Variants in KBTBD12 observed in about 807,000 individuals in gnomAD.
KBTBD12 encodes the protein kelch repeat and BTB domain-containing protein 12.
A neutral mutation model predicts 58.7 loss-of-function variants in KBTBD12; 53 were observed. The observed-to-expected ratio is 0.90, with a 90% CI of 0.72 to 1.14. KBTBD12 has a LOEUF of 1.14. Ranked by LOEUF, KBTBD12 falls within the 50% of genes most tolerant of loss-of-function variation. The pLI, the probability that KBTBD12 is intolerant of heterozygous loss-of-function variation, is 0.00. For missense variants in KBTBD12, 704 were observed against 751.3 expected (o/e 0.94, Z 0.74); for synonymous variants, 236 against 259.8 (o/e 0.91, Z 0.88).
In KBTBD12 at chr3:127,927,956, C is replaced by A; in HGVS notation, c.1263C>A (p.Pro421=). 1 of 1,612,988 alleles carries A rather than the reference C, an allele frequency of 6.2e-7. No homozygotes were observed. Among genetic ancestry groups the A allele is most frequent in the Non-Finnish European group, 8.5e-7 (1 of 1,179,160 alleles). Residue 421 remains proline (P), a synonymous_variant, in exon 3 of 6, where the codon CCC becomes CCA. Coordinates refer to ENST00000405109, the MANE Select transcript of KBTBD12 (RefSeq NM_207335.4). Reference sequence around the variant, plus strand: ...GGGACAATTGGAAAAGGGTGTCTCCCCTTCCACTGCAATTGGCATGTCATG... The same window carrying A: ...GGGACAATTGGAAAAGGGTGTCTCCACTTCCACTGCAATTGGCATGTCATG... ...VERDNWKRVS[P]LPLQLACHAV...
In KBTBD12 at chr3:127,924,147, C is replaced by G. The variant is rs779308578; in HGVS notation, c.1070+16C>G. 3 of 1,516,100 alleles carry G rather than the reference C, an allele frequency of 2.0e-6. No homozygotes were observed. Among genetic ancestry groups the G allele is most frequent in the Non-Finnish European group, 2.7e-6 (3 of 1,108,904 alleles). 93.9% of individuals were successfully genotyped at this position (1,516,100 alleles called of 1,614,324 possible). Reference sequence around the variant, plus strand: ...AAATTTATAGGTTTGTATCTAGCAGCAAATTTGCTTAATTATTTTGTTTTG... The same window carrying G: ...AAATTTATAGGTTTGTATCTAGCAGGAAATTTGCTTAATTATTTTGTTTTG... On this transcript the variant is annotated intron_variant, in intron 2 of 5. Transcript: ENST00000405109.
chr3:127,950,326 A>G (rs1171380162), intron 4 of KBTBD12, among the ~76,000 whole-genome samples: 2 of 152,174 alleles, frequency 1.3e-5, no homozygotes, highest in South Asian at 2.1e-4. Flanking sequence ...ACGGAGAGGA[A>G]CAAACATCCA....
Position 127,928,052 on chromosome 3 carries a change from A to G in KBTBD12, c.1341+18A>G. On this transcript the variant is annotated intron_variant, in intron 3 of 5. Coordinates refer to ENST00000405109, the MANE Select transcript of KBTBD12 (RefSeq NM_207335.4). Reference sequence around the variant, plus strand: ...CCCCTCAGGTTAAGAAATTTCCTGTATACATAATTGGCATGGCTATACTGA... The same window carrying G: ...CCCCTCAGGTTAAGAAATTTCCTGTGTACATAATTGGCATGGCTATACTGA... The G allele has an allele frequency of 6.2e-7, 1 of 1,606,266 alleles. No homozygotes were observed. The highest frequency in any genetic ancestry group is 8.5e-7 in the Non-Finnish European group (1 of 1,173,328).
chr3:127,917,539 G>C (rs1048387109), intron 1 of KBTBD12, among the ~76,000 whole-genome samples: 1 of 152,256 alleles, frequency 6.6e-6, no homozygotes, highest in Non-Finnish European at 1.5e-5. Flanking sequence ...TCTCCCTGGA[G>C]GTCAGGGGAT....
At chr3:127,916,512 G>T (rs1939245376) in intron 1 of KBTBD12, among the ~76,000 whole-genome samples, 1 of 152,110 alleles carries the variant, frequency 6.6e-6, no homozygotes, top group African/African-American at 2.4e-5. Flanking sequence ...TGTCCCTCAG[G>T]TCTCAAAGAG....
Position 127,963,213 on chromosome 3 carries a change from A to G in KBTBD12, c.1517A>G (p.Asp506Gly), listed in dbSNP as rs1940481665. ...GGTGGCATTGGCTGTGTAGGTCAAG[A>G]CAAGGGCCAGGTTCGAAAATGCCTT... ...VLGGIGCVGQDKGQVRKCLDV... is the reference protein window; with the variant it reads ...VLGGIGCVGQGKGQVRKCLDV... The change falls in exon 5 of 6, where the codon GAC (aspartate) becomes GGC (glycine). Residue 506 changes from aspartate to glycine, a missense_variant. Coordinates refer to ENST00000405109, the MANE Select transcript of KBTBD12 (RefSeq NM_207335.4). The G allele has an allele frequency of 1.2e-6, 2 of 1,610,740 alleles. No individual in the cohort carries two copies. Among genetic ancestry groups the G allele is most frequent in the Admixed American group, 1.7e-5 (1 of 59,760 alleles).
At chr3:127,927,259 C>G (rs1250019340) in intron 2 of KBTBD12, among the ~76,000 whole-genome samples, 1 of 152,042 alleles carries the variant, frequency 6.6e-6, no homozygotes, top group African/African-American at 2.4e-5. Context: ...TACAACAGTT[C>G]TTAAAATTCT....
At chr3:127,967,899 A>G (rs761980524) in intron 5 of KBTBD12, among the ~76,000 whole-genome samples, 2 of 152,116 alleles carry the variant, frequency 1.3e-5, no homozygotes, top group African/African-American at 2.4e-5. Flanking sequence ...GTTCTGGACT[A>G]TTTCTTCAAG....
chr3:127,917,430 C>T (rs1939276753), intron 1 of KBTBD12, among the ~76,000 whole-genome samples: 1 of 152,236 alleles, frequency 6.6e-6, no homozygotes, highest in African/African-American at 2.4e-5. Flanking sequence ...ACATGTTCAG[C>T]TATCCTGGAA....
intron 5 of KBTBD12, among the ~76,000 whole-genome samples, chr3:127,983,395 C>A (rs1460332189): frequency 6.6e-6 from 1 of 152,098 alleles, no homozygotes; most frequent in African/African-American, 2.4e-5. Context: ...AGATTAACAC[C>A]CTCCCTTGGG....
At chr3:127,921,183 C>G (rs1000782663) in intron 1 of KBTBD12, among the ~76,000 whole-genome samples, 4 of 151,982 alleles carry the variant, frequency 2.6e-5, no homozygotes, top group Non-Finnish European at 4.4e-5. Context: ...ATGGAATTCT[C>G]AAAATGAACT....
chr3:127,944,655 G>A (rs552099754), intron 4 of KBTBD12, among the ~76,000 whole-genome samples: 52 of 152,002 alleles, frequency 3.4e-4, no homozygotes, highest in Non-Finnish European at 5.3e-4. Flanking sequence ...AGTGTGGGTG[G>A]CTTTTACTTC....
At chr3:127,920,690 T>A (rs933129361) in intron 1 of KBTBD12, among the ~76,000 whole-genome samples, 6 of 152,086 alleles carry the variant, frequency 3.9e-5, no homozygotes, top group Admixed American at 6.5e-5. Flanking sequence ...GAAATTGACT[T>A]TTTTTGCACC....
intron 5 of KBTBD12, among the ~76,000 whole-genome samples, chr3:127,968,318 C>G (rs191046262): frequency 2.6e-5 from 4 of 152,264 alleles, no homozygotes; most frequent in Admixed American, 1.3e-4. Context: ...AATGAGGGAG[C>G]CAGTATTGTG....
At position 127,979,247 on chromosome 3, in the gene KBTBD12, A is replaced by G. The variant is rs1559776871; in HGVS notation, c.1691-4850A>G. 4.6e-5 allele frequency among the ~76,000 whole-genome samples: 7 copies of G among 152,376 alleles called. No individual in the cohort carries two copies. The South Asian group carries it at 1.2e-3, about 27-fold the overall frequency. ...GAACCAAGAAAATATCAGATCATAC[A>G]AGAGAGAAGACAATCAACAGATACT... On this transcript the variant is annotated intron_variant, in intron 5 of 5. Transcript: ENST00000405109.
chr3:127,943,532 A>C (rs1940004727), intron 4 of KBTBD12, among the ~76,000 whole-genome samples: 1 of 151,932 alleles, frequency 6.6e-6, no homozygotes, highest in Non-Finnish European at 1.5e-5. Flanking sequence ...CCATTTTTTA[A>C]TTAGGTTATT....
chr3:127,956,074 G>GA (rs1940314681), intron 4 of KBTBD12, among the ~76,000 whole-genome samples: 1 of 152,134 alleles, frequency 6.6e-6, no homozygotes, highest in Non-Finnish European at 1.5e-5. Flanking sequence ...TCCTTGTTCT[G>GA]AAAAAAGACT....
At chr3:127,949,591 C>G (rs1469065399) in intron 4 of KBTBD12, among the ~76,000 whole-genome samples, 1 of 152,202 alleles carries the variant, frequency 6.6e-6, no homozygotes, top group East Asian at 1.9e-4. Flanking sequence ...AATTCACTCA[C>G]TGCCCCAGGT....
In KBTBD12 at chr3:127,923,763, A is replaced by G. The variant is rs757800300; in HGVS notation, c.702A>G (p.Leu234=). ...LVNPSFLRQA[L]RRNTMLLCDA... ...ATCCTTCTTTTTTAAGACAAGCCCTAAGAAGGAACACAATGCTTCTGTGTG... is the reference window on the plus strand; with the variant it reads ...ATCCTTCTTTTTTAAGACAAGCCCTGAGAAGGAACACAATGCTTCTGTGTG... The change falls in exon 2 of 6, where the codon CTA becomes CTG. Residue 234 remains leucine (L), a synonymous_variant. Coordinates refer to ENST00000405109, the MANE Select transcript of KBTBD12 (RefSeq NM_207335.4). The G allele has an allele frequency of 7.4e-6, 12 of 1,613,956 alleles. No individual in the cohort carries two copies. The highest frequency in any genetic ancestry group is 1.0e-5 in the Non-Finnish European group (12 of 1,179,842).
Sources: gnomAD v4.1 joint callset for allele counts (sites outside exome capture counted in the v4.1 genomes callset) on GRCh38, gnomAD v4.1.1 for gene constraint, MANE v1.5 for transcripts, NCBI Gene and HGNC (gene_info 2026-07-23, HGNC 2026-07-21) for gene names.